ZMYND11: variants seen among roughly 807,000 people sequenced by gnomAD.
ZMYND11 encodes the protein zinc finger MYND-type containing 11.
A neutral mutation model predicts 84.9 loss-of-function variants in ZMYND11; 9 were observed. The observed-to-expected ratio is 0.11, with a 90% CI of 0.06 to 0.18. The LOEUF (loss-of-function observed/expected upper bound fraction) is 0.18. ZMYND11 is among the 10% of genes least tolerant of loss of function. ZMYND11 has a pLI of 1.00. For missense variants in ZMYND11, 409 were observed against 761.0 expected (o/e 0.54, Z 5.44); for synonymous variants, 250 against 244.1 (o/e 1.02, Z -0.23).
intron 2 of ZMYND11, among the ~76,000 whole-genome samples, chr10:181,430 C>T (rs1037840726): frequency 6.6e-6 from 1 of 152,182 alleles, no homozygotes; most frequent in Admixed American, 6.5e-5. Flanking sequence ...ACCAGCCTGG[C>T]CAACATGGTG....
intron 1 of ZMYND11, among the ~76,000 whole-genome samples, chr10:146,308 G>T (rs939446635): frequency 1.8e-4 from 27 of 152,110 alleles, no homozygotes; most frequent in African/African-American, 6.5e-4. Context: ...GTAATGTGAT[G>T]CCTCCAGATT....
At chr10:204,398 T>C (rs1484489935) in intron 2 of ZMYND11, among the ~76,000 whole-genome samples, 1 of 152,168 alleles carries the variant, frequency 6.6e-6, no homozygotes, top group Non-Finnish European at 1.5e-5. Context: ...AATAATTGAG[T>C]TTTGGTCTTC....
chr10:132,537 T>A (rs1159496674), upstream of ZMYND11, among the ~76,000 whole-genome samples: 1 of 152,162 alleles, frequency 6.6e-6, no homozygotes, highest in Non-Finnish European at 1.5e-5. Context: ...CTGGAGGCCA[T>A]GGGCCAATGA....
At chr10:140,647 T>C (rs1430010881) in intron 1 of ZMYND11, among the ~76,000 whole-genome samples, 1 of 152,230 alleles carries the variant, frequency 6.6e-6, no homozygotes, top group Non-Finnish European at 1.5e-5. Flanking sequence ...AATTTCCTGA[T>C]TTTTATCTCA....
intron 1 of ZMYND11, among the ~76,000 whole-genome samples, chr10:177,474 T>C (rs1305566269): frequency 6.6e-6 from 1 of 152,236 alleles, no homozygotes; most frequent in African/African-American, 2.4e-5. Context: ...TTTTCTGAGA[T>C]GTAGCATTGC....
chr10:186,800 G>A (rs1254430638), intron 2 of ZMYND11, among the ~76,000 whole-genome samples: 1 of 151,962 alleles, frequency 6.6e-6, no homozygotes, highest in Non-Finnish European at 1.5e-5. Context: ...GAACTTATCT[G>A]TTCTGAATGT....
chr10:186,300 C>T (rs956701811), intron 2 of ZMYND11, among the ~76,000 whole-genome samples: 12 of 151,642 alleles, frequency 7.9e-5, no homozygotes, highest in African/African-American at 1.2e-4. Flanking sequence ...TGTGAGCCAC[C>T]GCGCCAGGCC....
intron 1 of ZMYND11, among the ~76,000 whole-genome samples, chr10:151,755 C>T (rs1840425958): frequency 6.6e-6 from 1 of 152,022 alleles, no homozygotes; most frequent in South Asian, 2.1e-4. Flanking sequence ...CTCCGAGACA[C>T]ATAATTGTCA....
intron 1 of ZMYND11, among the ~76,000 whole-genome samples, chr10:140,275 C>T (rs1837208937): frequency 6.6e-6 from 1 of 152,158 alleles, no homozygotes; most frequent in Admixed American, 6.5e-5. Flanking sequence ...ATACCCAATA[C>T]AATAGTCCTT....
intron 3 of ZMYND11, chr10:218,508 AT>A: frequency 2.6e-6 from 1 of 383,070 alleles, no homozygotes; most frequent in Non-Finnish European, 5.3e-6. Flanking sequence ...AGGTGAACTA[AT>A]TTTGCACTAT....
intron 2 of ZMYND11, among the ~76,000 whole-genome samples, chr10:203,349 TA>T (rs1021089467): frequency 7.3e-5 from 11 of 150,840 alleles, no homozygotes; most frequent in African/African-American, 2.2e-4. Context: ...AATTCCATTT[TA>T]AAAAAAAACA....
chr10:196,834 T>C (rs1379387284), intron 2 of ZMYND11, among the ~76,000 whole-genome samples: 1 of 152,202 alleles, frequency 6.6e-6, no homozygotes, highest in Non-Finnish European at 1.5e-5. Context: ...TGTCTGAAAC[T>C]GGGGTAAGAG....
At chr10:169,924 A>G (rs916042208) in intron 1 of ZMYND11, among the ~76,000 whole-genome samples, 3 of 137,126 alleles carry the variant, frequency 2.2e-5, no homozygotes, top group Non-Finnish European at 4.7e-5. Context: ...TCAGACACCA[A>G]CCAAAGATCA....
chr10:220,980 C>G (rs1328414664), intron 3 of ZMYND11, among the ~76,000 whole-genome samples: 3 of 152,180 alleles, frequency 2.0e-5, no homozygotes, highest in Non-Finnish European at 4.4e-5. Context: ...ATCACATTAT[C>G]TTAAGATATT....
intron 6 of ZMYND11, among the ~76,000 whole-genome samples, chr10:239,209 T>C (rs1243644426): frequency 1.3e-5 from 2 of 152,230 alleles, no homozygotes; most frequent in Non-Finnish European, 2.9e-5. Flanking sequence ...ATTAATGTAG[T>C]GTCTTTGTGG....
chr10:190,724 C>CTAT, intron 2 of ZMYND11, among the ~76,000 whole-genome samples: 1 of 152,290 alleles, frequency 6.6e-6, no homozygotes, highest in Middle Eastern at 3.4e-3. Flanking sequence ...CCTGATGAGA[C>CTAT]TATTCTCAAT....
chr10:201,547 G>A (rs1280937251), intron 2 of ZMYND11, among the ~76,000 whole-genome samples: 3 of 146,428 alleles, frequency 2.0e-5, no homozygotes, highest in African/African-American at 7.5e-5. Context: ...TCTTACTTTT[G>A]TAAAAATGTT....
chr10:238,054 A>G (rs1260184682), intron 6 of ZMYND11, among the ~76,000 whole-genome samples: 2 of 152,222 alleles, frequency 1.3e-5, no homozygotes, highest in Non-Finnish European at 2.9e-5. Flanking sequence ...AAAAAAGTAA[A>G]GCATAGAACT....
chr10:146,111 T>C (rs1307243358), intron 1 of ZMYND11, among the ~76,000 whole-genome samples: 2 of 152,204 alleles, frequency 1.3e-5, no homozygotes, highest in Admixed American at 1.3e-4. Flanking sequence ...TATCCAGTTT[T>C]CCCAGTACCA....
Sources: allele counts gnomAD v4.1 joint callset (sites outside exome capture counted in the v4.1 genomes callset), GRCh38; gene constraint gnomAD v4.1.1; transcripts MANE v1.5; gene names NCBI Gene and HGNC (gene_info 2026-07-23, HGNC 2026-07-21).